The following PIEZO1 variants were observed in gnomAD, a reference collection of about 807,000 sequenced individuals.
PIEZO1 encodes the protein piezo type mechanosensitive ion channel component 1 (Er blood group).
In PIEZO1, 296 loss-of-function variants were observed where a neutral mutation model predicts 297.2. The ratio of observed to expected loss-of-function variants is 1.00; its 90% CI spans 0.91 to 1.10. The LOEUF is 1.10. Among genes scored for constraint, PIEZO1 ranks in the 50% least tolerant of loss-of-function variants. PIEZO1 has a pLI of 0.00. For synonymous variants in PIEZO1, 2,427 were observed against 1,507.5 expected, an observed-to-expected ratio of 1.61 and a Z score of -14.13; for missense variants, 5,018 against 3,455.5, an observed-to-expected ratio of 1.45 and a Z score of -11.34.
intron 42 of PIEZO1, 44 bp downstream of exon 42, chr16:88,720,025 C>T (rs758637744): frequency 9.7e-6 from 15 of 1,549,052 alleles, no homozygotes; most frequent in Non-Finnish European, 1.3e-5. Context: ...CCAGCCTGCA[C>T]TGCCCCGCCC....
At position 88,738,239 on chromosome 16, in the gene PIEZO1, C is replaced by T. The variant is rs1253289220; in HGVS notation, c.836G>A (p.Gly279Asp). The T allele has an allele frequency of 6.5e-7, 1 of 1,535,772 alleles. No individual in the cohort carries two copies. Among genetic ancestry groups the T allele is most frequent in the African/African-American group, 1.4e-5 (1 of 73,186 alleles). The part of the protein sequence containing the change: ...PLAQALLPPA[G>D]IWARVLGLKD... ...GGCAAGCCGTTACCTAGCCCAGATG[C>T]CGGCAGGCGGGAGCAGAGCCTGTGC... is the stretch of plus-strand genomic sequence containing the variant. Residue 279 changes from glycine to aspartate, a missense_variant, in exon 7 of 51, where the codon GGC (glycine) becomes GAC (aspartate). Physicochemically the swap from Gly to Asp is moderately conservative, Grantham distance 94. Transcript: ENST00000301015.
intron 2 of PIEZO1, 43 bp from the exon 3 acceptor site, chr16:88,742,465 AG>A: frequency 6.6e-7 from 1 of 1,526,554 alleles, no homozygotes. Context: ...GGGGACGGGG[AG>A]GGGCCGCAGC....
chr16:88,727,450 C>T lies in PIEZO1; in HGVS notation c.3301+107G>A, dbSNP rs2242170. On this transcript the variant is annotated intron_variant, in intron 23 of 50. Transcript: ENST00000301015. The stretch of plus-strand genomic sequence containing the variant: ...GCCTGCAGGCCGCCATGTGCCTGAC[C>T]ACACCTCCGCCCGTGCACGCCTGTG... The T allele has an allele frequency of 0.56, 358,967 of 640,110 alleles. 101,972 individuals are homozygous for T. Among genetic ancestry groups the T allele is most frequent in the Non-Finnish European group, 0.59 (216,726 of 367,756 alleles). The allele number at this position is 640,110 out of a possible 1,614,324, so 39.7% of individuals were successfully genotyped here. A position where few individuals can be genotyped will look rare whatever the true frequency, so the allele number is the denominator to read the frequency against.
At position 88,722,085 on chromosome 16, in the gene PIEZO1, G is replaced by C. The variant is rs189825914; in HGVS notation, c.4956-19C>G. The C allele has an allele frequency of 8.4e-6, 13 of 1,539,870 alleles. No homozygotes were observed. The highest frequency in any genetic ancestry group is 1.1e-5 in the Non-Finnish European group (12 of 1,142,266). On this transcript the variant is annotated intron_variant, in intron 36 of 50. Transcript: ENST00000301015. ...CAGGCGCCTACAGGGAGACCCGCGTGTTTGGGGGAGTCTGGGACTGCCCGA... is the reference window on the plus strand; with the variant it reads ...CAGGCGCCTACAGGGAGACCCGCGTCTTTGGGGGAGTCTGGGACTGCCCGA...
intron 2 of PIEZO1, among the ~76,000 whole-genome samples, chr16:88,744,572 G>A (rs754988631): frequency 6.7e-6 from 1 of 150,320 alleles, no homozygotes; most frequent in Non-Finnish European, 1.5e-5. Context: ...CCGCCCACCC[G>A]CCTTGCCCTG....
chr16:88,715,752 G>A lies in PIEZO1; in HGVS notation c.7419C>T (p.Cys2473=), dbSNP rs753320868. The A allele has an allele frequency of 3.5e-5, 54 of 1,550,334 alleles. No homozygotes were observed. The highest frequency in any genetic ancestry group is 1.1e-4 in the South Asian group (9 of 84,072). Residue 2473 remains cysteine, a synonymous_variant, in exon 51 of 51, where the codon TGC becomes TGT. Coordinates refer to ENST00000301015, the MANE Select transcript of PIEZO1 (RefSeq NM_001142864.4). ...GGCAGAGCTTGAGGATGCGGTCCAC[G>A]CACGGCAGCTCCTCGAACATAATGG... ...SHSIMFEELP[C]VDRILKLCQD... is the part of the protein sequence containing the mutation.
At chr16:88,743,048 C>T (rs1567679499) in intron 2 of PIEZO1, 1 of 456,520 alleles carries the variant, frequency 2.2e-6, no homozygotes, top group East Asian at 7.0e-5. Flanking sequence ...CCCAGACCGG[C>T]ATCCTCTCTC....
At chr16:88,775,802 A>G (rs1404833818) in intron 1 of PIEZO1, among the ~76,000 whole-genome samples, 1 of 151,924 alleles carries the variant, frequency 6.6e-6, no homozygotes, top group Admixed American at 6.6e-5. Context: ...GGGTAGGGAG[A>G]GTATGTGCAG....
At chr16:88,744,756 G>A (rs564076121) in intron 2 of PIEZO1, among the ~76,000 whole-genome samples, 32 of 152,072 alleles carry the variant, frequency 2.1e-4, no homozygotes, top group African/African-American at 6.3e-4. Flanking sequence ...CAGGGTCGAA[G>A]GGGCCGCAGC....
chr16:88,725,704 G>C lies in PIEZO1; in HGVS notation c.3969-20C>G, dbSNP rs1904375024. On this transcript the variant is annotated intron_variant, in intron 27 of 50. Coordinates refer to ENST00000301015, the MANE Select transcript of PIEZO1 (RefSeq NM_001142864.4). ...AAGCCCCTGTAGGGAGGCGGGGATG[G>C]GGTGTGAGCACCAGGCACTCGACCC... 2.2e-6 allele frequency: 3 copies of C among 1,337,820 alleles called. No individual in the cohort carries two copies. The highest frequency in any genetic ancestry group is 2.0e-5 in the Admixed American group (1 of 50,666). 82.9% of individuals were successfully genotyped at this position (1,337,820 alleles called of 1,614,324 possible). A position where few individuals can be genotyped will look rare whatever the true frequency, so the allele number is the denominator to read the frequency against.
At chr16:88,745,347 G>T (rs185948667) in intron 2 of PIEZO1, 27 of 152,222 alleles carry the variant, frequency 1.8e-4, no homozygotes, top group African/African-American at 6.5e-4. Context: ...CTGAACCACT[G>T]TGTGGGCCCC....
At chr16:88,774,559 T>C (rs1032620340) in intron 1 of PIEZO1, among the ~76,000 whole-genome samples, 1 of 151,964 alleles carries the variant, frequency 6.6e-6, no homozygotes, top group African/African-American at 2.4e-5. Flanking sequence ...GTATACCACG[T>C]GGAGGAGAAA....
intron 1 of PIEZO1, among the ~76,000 whole-genome samples, chr16:88,781,225 G>C (rs1026063672): frequency 1.3e-5 from 2 of 152,210 alleles, no homozygotes; most frequent in African/African-American, 4.8e-5. Flanking sequence ...CAGCACAGGA[G>C]AGACACCGCC....
chr16:88,781,993 C>T (rs1907958944), intron 1 of PIEZO1, among the ~76,000 whole-genome samples: 1 of 152,268 alleles, frequency 6.6e-6, no homozygotes, highest in Admixed American at 6.5e-5. Context: ...GGGTGTCCCA[C>T]AGTCAGTGAC....
intron 19 of PIEZO1, 92 bp from the exon 20 acceptor site, chr16:88,732,824 G>C: frequency 7.7e-7 from 1 of 1,294,860 alleles, no homozygotes; most frequent in South Asian, 1.5e-5. Context: ...TCTGGGGCAG[G>C]TCCACTGCTC....
intron 1 of PIEZO1, among the ~76,000 whole-genome samples, chr16:88,758,168 C>T (rs1488583152): frequency 6.6e-6 from 1 of 152,094 alleles, no homozygotes; most frequent in East Asian, 1.9e-4. Flanking sequence ...TGCCCGGACT[C>T]TCCTCCCACA....
At chr16:88,725,147 C>A in intron 29 of PIEZO1, 67 bp from the exon 30 acceptor site, 1 of 1,148,048 alleles carries the variant, frequency 8.7e-7, no homozygotes. Flanking sequence ...GCTGTGAGTG[C>A]TCCCGTCTTG....
intron 19 of PIEZO1, 148 bp from the exon 20 acceptor site, chr16:88,732,880 G>T (rs2340984): frequency 1.3e-6 from 1 of 760,060 alleles, no homozygotes; most frequent in Non-Finnish European, 2.1e-6. Flanking sequence ...CCACCTTCAC[G>T]GGGAAGGGGA....
At chr16:88,742,627 G>A in intron 2 of PIEZO1, 2 of 569,430 alleles carry the variant, frequency 3.5e-6, no homozygotes, top group Admixed American at 3.4e-5. Flanking sequence ...CAAGGAGCCG[G>A]GCATCCTCCT....
Sources: allele counts gnomAD v4.1 joint callset (sites outside exome capture counted in the v4.1 genomes callset), GRCh38; gene constraint gnomAD v4.1.1; transcripts MANE v1.5; gene names NCBI Gene and HGNC (gene_info 2026-07-23, HGNC 2026-07-21).